The following ORC4 variants were observed in gnomAD, a reference collection of about 807,000 sequenced individuals.
ORC4 encodes the protein origin recognition complex, subunit 4 homolog.
In ORC4, 55 loss-of-function variants were observed where a neutral mutation model predicts 63.9. The ratio of observed to expected loss-of-function variants is 0.86; its 90% CI spans 0.69 to 1.08. The LOEUF is 1.08. Among genes scored for constraint, ORC4 ranks in the 50% least tolerant of loss-of-function variants. The pLI, the probability that ORC4 is intolerant of heterozygous loss-of-function variation, is 0.00. For missense variants in ORC4, 511 were observed against 504.4 expected, an observed-to-expected ratio of 1.01 and a Z score of -0.13; for synonymous variants, 150 against 168.5, an observed-to-expected ratio of 0.89 and a Z score of 0.85.
intron 1 of ORC4, among the ~76,000 whole-genome samples, chr2:147,986,398 T>C (rs868646300): frequency 6.6e-6 from 1 of 152,078 alleles, no homozygotes; most frequent in African/African-American, 2.4e-5. Flanking sequence ...CAATAAAATC[T>C]CCTAAACTCT....
At chr2:147,971,241 A>T (rs767195479) in intron 4 of ORC4, among the ~76,000 whole-genome samples, 4 of 151,976 alleles carry the variant, frequency 2.6e-5, no homozygotes, top group Non-Finnish European at 4.4e-5. Flanking sequence ...TAAATAAATA[A>T]ATAAATGAAA....
At chr2:148,008,688 T>C (rs1187213856) in intron 1 of ORC4, among the ~76,000 whole-genome samples, 4 of 152,096 alleles carry the variant, frequency 2.6e-5, no homozygotes, top group Admixed American at 2.6e-4. Context: ...TCATTCTCTT[T>C]AAATTAGCCA....
chr2:148,008,266 C>CGCTCATA (rs1287596388), intron 1 of ORC4, among the ~76,000 whole-genome samples: 2 of 152,134 alleles, frequency 1.3e-5, no homozygotes, highest in African/African-American at 4.8e-5. Flanking sequence ...ATACTCTAAC[C>CGCTCATA]GCTCATATCT....
intron 6 of ORC4, 53 bp downstream of exon 6, chr2:147,958,245 T>C: frequency 8.8e-7 from 1 of 1,133,014 alleles, no homozygotes; most frequent in Non-Finnish European, 1.3e-6. Flanking sequence ...ATACATGGTA[T>C]AAAGACATTA....
At chr2:147,959,609 T>C (rs1371737853) in intron 4 of ORC4, among the ~76,000 whole-genome samples, 1 of 152,144 alleles carries the variant, frequency 6.6e-6, no homozygotes, top group Non-Finnish European at 1.5e-5. Flanking sequence ...CTGTTTGTAT[T>C]TGCAATATGC....
chr2:148,015,476 G>C (rs1032697133), intron 1 of ORC4, among the ~76,000 whole-genome samples: 3 of 151,636 alleles, frequency 2.0e-5, no homozygotes, highest in African/African-American at 7.3e-5. Context: ...CACCACGCCT[G>C]GCTAATTTTT....
chr2:147,985,015 T>C (rs1460614071), intron 1 of ORC4, among the ~76,000 whole-genome samples: 3 of 152,164 alleles, frequency 2.0e-5, no homozygotes. Flanking sequence ...ATGAAGTACA[T>C]CCTTTACTGC....
chr2:147,946,013 G>C (rs1688639828), intron 9 of ORC4, among the ~76,000 whole-genome samples: 1 of 152,104 alleles, frequency 6.6e-6, no homozygotes. Context: ...TGACTATTAA[G>C]ACTATCAAAA....
chr2:147,989,839 T>A (rs553435985), intron 1 of ORC4, among the ~76,000 whole-genome samples: 1 of 152,300 alleles, frequency 6.6e-6, no homozygotes, highest in South Asian at 2.1e-4. Context: ...TGAAATTGGC[T>A]AACAACTCCT....
chr2:147,985,820 T>C (rs1357364152), intron 1 of ORC4, among the ~76,000 whole-genome samples: 1 of 152,116 alleles, frequency 6.6e-6, no homozygotes, highest in Non-Finnish European at 1.5e-5. Context: ...AGCAATGGTA[T>C]ACAATGACCT....
chr2:147,992,895 T>C (rs545121570), intron 1 of ORC4, among the ~76,000 whole-genome samples: 12 of 152,108 alleles, frequency 7.9e-5, no homozygotes, highest in Non-Finnish European at 1.5e-4. Flanking sequence ...CCTAAATATA[T>C]TACTCTAATG....
intron 1 of ORC4, among the ~76,000 whole-genome samples, chr2:148,004,232 C>A (rs1692485548): frequency 6.6e-6 from 1 of 152,156 alleles, no homozygotes; most frequent in Non-Finnish European, 1.5e-5. Flanking sequence ...CTACCACTGA[C>A]TTTCTTCACA....
chr2:147,939,108 C>T (rs750340910), intron 11 of ORC4, 32 bp downstream of exon 11: 16 of 1,318,354 alleles, frequency 1.2e-5, no homozygotes, highest in Non-Finnish European at 1.4e-5. Context: ...GTTTTAAAAA[C>T]CACAATTTAA....
intron 1 of ORC4, among the ~76,000 whole-genome samples, chr2:147,999,462 C>T (rs940337093): frequency 2.6e-5 from 4 of 152,106 alleles, no homozygotes; most frequent in Non-Finnish European, 5.9e-5. Context: ...GATTGTTCTT[C>T]GTTGTTGGAG....
chr2:147,937,997 A>C (rs1209968416), intron 13 of ORC4, 149 bp downstream of exon 13: 1 of 681,062 alleles, frequency 1.5e-6, no homozygotes, highest in African/African-American at 1.8e-5. Context: ...TTTTTCCAAA[A>C]TATTTCATTT....
chr2:148,012,888 G>T (rs1262414951), intron 1 of ORC4, among the ~76,000 whole-genome samples: 1 of 152,090 alleles, frequency 6.6e-6, no homozygotes, highest in Non-Finnish European at 1.5e-5. Context: ...ACTATAATGA[G>T]GTATCAACTC....
At chr2:147,974,266 A>C (rs1243970521) in intron 2 of ORC4, among the ~76,000 whole-genome samples, 3 of 152,198 alleles carry the variant, frequency 2.0e-5, no homozygotes, top group African/African-American at 7.2e-5. Context: ...TAAAAGGTTA[A>C]GTCTGTTCTA....
chr2:147,976,259 G>A (rs1388580429), intron 1 of ORC4, among the ~76,000 whole-genome samples: 2 of 151,912 alleles, frequency 1.3e-5, no homozygotes, highest in Non-Finnish European at 2.9e-5. Context: ...CCAACAAGTC[G>A]ATAGGCACCA....
At chr2:147,947,411 G>A (rs148152911) in intron 9 of ORC4, among the ~76,000 whole-genome samples, 13 of 152,080 alleles carry the variant, frequency 8.5e-5, no homozygotes, top group Admixed American at 7.2e-4. Flanking sequence ...TTTTGACAGC[G>A]TAAGATTAAA....
Sources: allele counts gnomAD v4.1 joint callset (sites outside exome capture counted in the v4.1 genomes callset), GRCh38; gene constraint gnomAD v4.1.1; transcripts MANE v1.5; gene names NCBI Gene and HGNC (gene_info 2026-07-23, HGNC 2026-07-21).